Variants in ZRANB3 observed in about 807,000 individuals in gnomAD.
ZRANB3 encodes zinc finger RANBP2-type containing 3, also known as DNA annealing helicase and endonuclease ZRANB3.
ZRANB3 carries 125 observed loss-of-function variants against 133.8 expected under a neutral mutation model. The observed-to-expected ratio is 0.93, with a 90% CI of 0.81 to 1.08. The LOEUF is 1.08. ZRANB3 is among the 50% of genes least tolerant of loss of function. ZRANB3 has a pLI of 0.00. For synonymous variants in ZRANB3, 387 were observed against 432.7 expected, an observed-to-expected ratio of 0.89 and a Z score of 1.31; for missense variants, 1,229 against 1,275.5, an observed-to-expected ratio of 0.96 and a Z score of 0.56.
At chr2:135,209,155 G>T (rs923210728) in intron 17 of ZRANB3, among the ~76,000 whole-genome samples, 177 bp from the exon 18 acceptor site, 2 of 152,172 alleles carry the variant, frequency 1.3e-5, no homozygotes, top group African/African-American at 4.8e-5. Flanking sequence ...TGTCCATTAT[G>T]TGAGAAATAC....
chr2:135,420,635 G>T (rs562450618), intron 2 of ZRANB3, among the ~76,000 whole-genome samples: 20 of 152,226 alleles, frequency 1.3e-4, no homozygotes, highest in Admixed American at 1.2e-3. Flanking sequence ...TGATAAAGTA[G>T]ATCTGTTTTC....
chr2:135,367,630 G>T (rs1383150223), intron 3 of ZRANB3, among the ~76,000 whole-genome samples: 3 of 152,186 alleles, frequency 2.0e-5, no homozygotes, highest in Non-Finnish European at 4.4e-5. Context: ...TGTCAAGGTA[G>T]AGTTTCCTGG....
intron 1 of ZRANB3, among the ~76,000 whole-genome samples, chr2:135,515,975 A>G (rs1693680012): frequency 1.3e-5 from 2 of 152,184 alleles, no homozygotes; most frequent in South Asian, 4.1e-4. Flanking sequence ...TATTGGGTGC[A>G]TATATATTTA....
At position 135,230,832 on chromosome 2, in the gene ZRANB3, G is replaced by T. The variant is rs756547070; in HGVS notation, c.1635C>A (p.Phe545Leu). Residue 545 changes from phenylalanine (F) to leucine (L), a missense_variant, in exon 13 of 21, where the codon TTC becomes TTA. Transcript: ENST00000264159. ...ATGACACTACAGTATTTTCCTCCCG[G>T]AATCTCTTTGATTCGTCACAGGAGG... ...LMTSCDESKR[F>L]REENTVVSSD... 3 of 1,612,966 alleles carry T rather than the reference G, an allele frequency of 1.9e-6. No homozygotes were observed. Among genetic ancestry groups the T allele is most frequent in the African/African-American group, 2.7e-5 (2 of 74,996 alleles).
At chr2:135,298,513 C>A (rs1158461416) in intron 8 of ZRANB3, among the ~76,000 whole-genome samples, 1 of 152,148 alleles carries the variant, frequency 6.6e-6, no homozygotes, top group African/African-American at 2.4e-5. Context: ...AGAGGGTGAT[C>A]CCCTGATGTG....
At chr2:135,492,581 A>T (rs1005055938) in intron 2 of ZRANB3, among the ~76,000 whole-genome samples, 1 of 152,186 alleles carries the variant, frequency 6.6e-6, no homozygotes, top group Non-Finnish European at 1.5e-5. Flanking sequence ...AGAAATGCTA[A>T]ATTAGGTAAA....
chr2:135,454,490 G>A (rs575658605), intron 2 of ZRANB3, among the ~76,000 whole-genome samples: 2 of 151,932 alleles, frequency 1.3e-5, no homozygotes, highest in South Asian at 4.2e-4. Flanking sequence ...TGGTTATATA[G>A]ATTAATTGCA....
At position 135,269,071 on chromosome 2, in the gene ZRANB3, T is replaced by G; in HGVS notation, c.1277A>C (p.Gln426Pro). 6.2e-7 allele frequency: 1 copy of G among 1,613,190 alleles called. No individual in the cohort carries two copies. Among genetic ancestry groups the G allele is most frequent in the Non-Finnish European group, 8.5e-7 (1 of 1,179,718 alleles). Reference protein sequence around the residue: ...ELYWDPGHIKQAEDRAHRIGQ... With the variant: ...ELYWDPGHIKPAEDRAHRIGQ... Reference sequence around the variant, plus strand: ...AATTCTGTGAGCTCGGTCTTCTGCTTGTTTTATATGTCCAGGGTCCCAGTA... The same window carrying G: ...AATTCTGTGAGCTCGGTCTTCTGCTGGTTTTATATGTCCAGGGTCCCAGTA... Residue 426 changes from glutamine (Q) to proline (P), a missense_variant, in exon 11 of 21, where the codon CAA (glutamine) becomes CCA (proline). Physicochemically the swap from Gln to Pro is moderately conservative, Grantham distance 76. Transcript: ENST00000264159.
At position 135,337,701 on chromosome 2, in the gene ZRANB3, CAACTAAG is replaced by C. The variant is rs1332139296; in HGVS notation, c.677+7842_677+7848del. 2.6e-5 allele frequency among the ~76,000 whole-genome samples: 4 copies of C among 152,114 alleles called. No homozygotes were observed. In the South Asian group the frequency reaches 8.3e-4, roughly 32 times the overall value. On this transcript the variant is annotated intron_variant, in intron 6 of 20. Transcript: ENST00000264159. ...ATTATGCCCCCAGTTACCAGAAAAA[CAACTAAG>C]AACTGTGTCACAGAACTCTCTCAGT...
In ZRANB3 at chr2:135,199,160, A is replaced by T. The variant is rs1693516033; in HGVS notation, c.*1182T>A. On this transcript the variant is annotated 3_prime_UTR_variant, in exon 21 of 21. Transcript: ENST00000264159. ...GCATATAACCATCTGATTATGCCTT[A>T]TTATAAAGTGTTTTGTCATCATCAC... 1 of 152,238 alleles carries T rather than the reference A, an allele frequency of 6.6e-6. No individual in the cohort carries two copies. Among genetic ancestry groups the T allele is most frequent in the South Asian group, 2.1e-4 (1 of 4,834 alleles). The allele number at this position is 152,238 out of a possible 1,614,324, so 9.4% of individuals were successfully genotyped here.
intron 12 of ZRANB3, among the ~76,000 whole-genome samples, chr2:135,238,074 C>T (rs1376683750): frequency 6.6e-6 from 1 of 152,182 alleles, no homozygotes; most frequent in Non-Finnish European, 1.5e-5. Flanking sequence ...TGTTTTTCAT[C>T]TTTTCAATGT....
intron 8 of ZRANB3, among the ~76,000 whole-genome samples, chr2:135,312,188 T>A (rs796151331): frequency 0.07 from 8,843 of 127,138 alleles, 490 homozygotes; most frequent in South Asian, 0.22. Flanking sequence ...TTTTATTTTA[T>A]TTTTATTTTA....
At chr2:135,233,007 G>A (rs1014423033) in intron 12 of ZRANB3, among the ~76,000 whole-genome samples, 1 of 152,146 alleles carries the variant, frequency 6.6e-6, no homozygotes, top group South Asian at 2.1e-4. Flanking sequence ...GCTAAAGGAG[G>A]AAGTTTCAGC....
chr2:135,403,977 G>A lies in ZRANB3; in HGVS notation c.162-13157C>T, dbSNP rs539750345. Among the ~76,000 whole-genome samples the A allele has an allele frequency of 7.6e-4, 115 of 152,220 alleles. 3 individuals carry two copies. The highest frequency in any genetic ancestry group is 6.5e-3 in the Admixed American group (99 of 15,274). The stretch of plus-strand genomic sequence containing the variant: ...ACGTCACCATCATCAAAGACCAAAG[G>A]TAGATAAAACCACAAAGATGGGGAA... On this transcript the variant is annotated intron_variant, in intron 2 of 20. Coordinates refer to ENST00000264159, the MANE Select transcript of ZRANB3 (RefSeq NM_032143.4).
chr2:135,433,359 C>T (rs1434978677), intron 2 of ZRANB3, among the ~76,000 whole-genome samples: 1 of 151,958 alleles, frequency 6.6e-6, no homozygotes, highest in African/African-American at 2.4e-5. Flanking sequence ...TGCACTCCAG[C>T]ACGGGCAACA....
intron 2 of ZRANB3, among the ~76,000 whole-genome samples, chr2:135,503,235 G>T (rs1380754651): frequency 6.6e-6 from 1 of 152,090 alleles, no homozygotes; most frequent in Non-Finnish European, 1.5e-5. Context: ...AAGTATATAT[G>T]GGAAAGTATA....
chr2:135,308,404 G>T (rs1235556175), intron 8 of ZRANB3, among the ~76,000 whole-genome samples: 1 of 152,098 alleles, frequency 6.6e-6, no homozygotes, highest in African/African-American at 2.4e-5. Context: ...GTGTAAGAAA[G>T]GGGTATTGAA....
In ZRANB3 at chr2:135,370,867, A is replaced by G. The variant is rs1043592478; in HGVS notation, c.181-17239T>C. ...CTGGCTCATGGTGGGGGTTTCCCTC[A>G]TGCTGTTCGCATGATAATGAGTGAA... On this transcript the variant is annotated intron_variant, in intron 3 of 20. Transcript: ENST00000264159. Among the ~76,000 whole-genome samples the G allele has an allele frequency of 3.5e-4, 54 of 152,200 alleles. 2 individuals carry two copies.
At chr2:135,351,484 G>A (rs897057798) in intron 4 of ZRANB3, among the ~76,000 whole-genome samples, 5 of 151,812 alleles carry the variant, frequency 3.3e-5, no homozygotes, top group African/African-American at 7.3e-5. Context: ...CTTGTGATCC[G>A]CCCGCCCTGG....
Sources: allele counts gnomAD v4.1 joint callset (sites outside exome capture counted in the v4.1 genomes callset), GRCh38; gene constraint gnomAD v4.1.1; transcripts MANE v1.5; gene names NCBI Gene and HGNC (gene_info 2026-07-23, HGNC 2026-07-21).